Variants in DCAF1 observed in about 807,000 individuals in gnomAD.
DCAF1 encodes DDB1- and CUL4-associated factor 1.
In DCAF1, 15 loss-of-function variants were observed where a neutral mutation model predicts 128.0. The ratio of observed to expected loss-of-function variants is 0.12; its 90% CI spans 0.08 to 0.18. The LOEUF (loss-of-function observed/expected upper bound fraction) is 0.18. Among genes scored for constraint, DCAF1 ranks in the 10% least tolerant of loss-of-function variants. The pLI, the probability that DCAF1 is intolerant of heterozygous loss-of-function variation, is 1.00. For missense variants in DCAF1, 988 were observed against 1,649.5 expected (o/e 0.60, Z 6.95); for synonymous variants, 610 against 603.0 (o/e 1.01, Z -0.17).
intron 9 of DCAF1, chr3:51,437,329 A>T (rs1700941617): frequency 2.0e-6 from 1 of 504,432 alleles, no homozygotes; most frequent in African/African-American, 2.0e-5. Flanking sequence ...CAGTAAAGGG[A>T]AATTATTTCC....
At chr3:51,414,351 T>C (rs1698692801) in intron 19 of DCAF1, among the ~76,000 whole-genome samples, 2 of 152,320 alleles carry the variant, frequency 1.3e-5, no homozygotes, top group South Asian at 2.1e-4. Flanking sequence ...TGAAGACAGA[T>C]AAAAGCTAAT....
intron 13 of DCAF1, among the ~76,000 whole-genome samples, chr3:51,424,719 A>G (rs1318937470): frequency 2.6e-5 from 4 of 152,244 alleles, no homozygotes; most frequent in African/African-American, 9.6e-5. Context: ...CAAGAATATA[A>G]GGGTAAAAAA....
At chr3:51,430,976 T>A (rs1442808233) in intron 10 of DCAF1, among the ~76,000 whole-genome samples, 2 of 152,158 alleles carry the variant, frequency 1.3e-5, no homozygotes, top group Non-Finnish European at 2.9e-5. Flanking sequence ...TTCAAATGTA[T>A]AACCCACAGC....
chr3:51,448,601 C>T (rs1405400156), intron 6 of DCAF1, among the ~76,000 whole-genome samples: 1 of 152,116 alleles, frequency 6.6e-6, no homozygotes, highest in Non-Finnish European at 1.5e-5. Context: ...AGTTCTGATT[C>T]CTTATTTTAC....
intron 3 of DCAF1, among the ~76,000 whole-genome samples, chr3:51,475,847 C>G (rs1341255882): frequency 1.3e-5 from 2 of 150,198 alleles, no homozygotes; most frequent in Non-Finnish European, 1.5e-5. Flanking sequence ...GGCGACAGAG[C>G]GAGACTATGT....
At chr3:51,454,760 G>A (rs922022217) in intron 6 of DCAF1, among the ~76,000 whole-genome samples, 3 of 151,044 alleles carry the variant, frequency 2.0e-5, no homozygotes, top group Non-Finnish European at 4.4e-5. Context: ...TGCAAGCTCC[G>A]CCTCCCAGGT....
intron 23 of DCAF1, 139 bp from the exon 24 acceptor site, chr3:51,403,534 G>GAGCC: frequency 1.4e-6 from 2 of 1,413,992 alleles, no homozygotes; most frequent in South Asian, 1.5e-5. Context: ...CAGACTTCAT[G>GAGCC]AGCCAGCCAG....
chr3:51,479,369 G>A (rs1409391060), intron 3 of DCAF1, among the ~76,000 whole-genome samples: 4 of 152,072 alleles, frequency 2.6e-5, no homozygotes, highest in Admixed American at 2.6e-4. Flanking sequence ...CAGGCAGGGT[G>A]GTGTGTGCCT....
intron 6 of DCAF1, among the ~76,000 whole-genome samples, chr3:51,451,655 G>A (rs576740796): frequency 2.0e-5 from 3 of 151,792 alleles, no homozygotes; most frequent in South Asian, 4.2e-4. Flanking sequence ...TCAGCTACAC[G>A]GGAGGCCGAG....
chr3:51,428,893 G>A (rs1553634784), intron 12 of DCAF1, among the ~76,000 whole-genome samples: 1 of 152,088 alleles, frequency 6.6e-6, no homozygotes, highest in Non-Finnish European at 1.5e-5. Flanking sequence ...CAACTACTCA[G>A]GAGGTTGAGG....
intron 9 of DCAF1, among the ~76,000 whole-genome samples, chr3:51,434,954 G>A (rs920601812): frequency 2.4e-4 from 36 of 152,094 alleles, no homozygotes; most frequent in East Asian, 3.9e-4. Context: ...GTGTCTTCCA[G>A]GTACCAACAA....
upstream of DCAF1, among the ~76,000 whole-genome samples, chr3:51,500,601 C>T (rs972513645): frequency 1.4e-4 from 22 of 152,056 alleles, no homozygotes; most frequent in Admixed American, 7.9e-4. Context: ...AGTGCAGTGA[C>T]GATCTCAGCT....
the DCAF1 span, among the ~76,000 whole-genome samples, chr3:51,505,095 C>G: frequency 1.3e-5 from 2 of 151,968 alleles, no homozygotes; most frequent in African/African-American, 2.4e-5. Context: ...AACCCCATCT[C>G]TACTAAAAAA....
chr3:51,397,569 C>T (rs2089286599), downstream of DCAF1: 1 of 167,130 alleles, frequency 6.0e-6, no homozygotes, highest in African/African-American at 2.4e-5. Context: ...CCTGCTGGAT[C>T]CAGAACATGA....
intron 7 of DCAF1, among the ~76,000 whole-genome samples, chr3:51,442,861 A>AT (rs1481753548): frequency 9.2e-5 from 14 of 152,196 alleles, no homozygotes; most frequent in African/African-American, 3.4e-4. Flanking sequence ...GCTCTCACTT[A>AT]TAAGTGGGAA....
At position 51,418,715 on chromosome 3, in the gene DCAF1, C is replaced by G; in HGVS notation, c.3398G>C (p.Cys1133Ser). 6.2e-7 allele frequency: 1 copy of G among 1,613,680 alleles called. No homozygotes were observed. The highest frequency in any genetic ancestry group is 8.5e-7 in the Non-Finnish European group (1 of 1,179,804). ...AAGATGTGTGATGGCTGAGTTGTGA[C>G]AGTTATAGCTGGCCTCCTCCTGTCC... ...FSGQEEASYN[C>S]HNSAITHLEP... Residue 1133 changes from cysteine (C) to serine (S), a missense_variant, in exon 16 of 25, where the codon TGT (cysteine) becomes TCT (serine). By Grantham distance (112) the Cys-to-Ser change is moderately radical. Coordinates refer to ENST00000684031, the MANE Select transcript of DCAF1 (RefSeq NM_001387579.1).
At chr3:51,411,671 CTG>C (rs1698428870) in intron 23 of DCAF1, among the ~76,000 whole-genome samples, 3 of 152,234 alleles carry the variant, frequency 2.0e-5, no homozygotes, top group East Asian at 1.9e-4. Context: ...TGCCATAAAA[CTG>C]AGAAAATATA....
chr3:51,421,934 T>TGCCTCA (rs1434349239), intron 14 of DCAF1, among the ~76,000 whole-genome samples: 15 of 152,208 alleles, frequency 9.9e-5, no homozygotes, highest in Non-Finnish European at 1.6e-4. Flanking sequence ...TTTTACTATC[T>TGCCTCA]GCCTCAACCC....
intron 2 of DCAF1, among the ~76,000 whole-genome samples, chr3:51,495,125 C>T (rs1708093827): frequency 6.6e-6 from 1 of 151,770 alleles, no homozygotes; most frequent in South Asian, 2.1e-4. Flanking sequence ...GAGCTCGAGA[C>T]CAGCCTGGCC....
Sources: allele counts gnomAD v4.1 joint callset (sites outside exome capture counted in the v4.1 genomes callset), GRCh38; gene constraint gnomAD v4.1.1; transcripts MANE v1.5; gene names NCBI Gene and HGNC (gene_info 2026-07-23, HGNC 2026-07-21).